Variants in CDH1 observed in about 807,000 individuals in gnomAD.
CDH1 encodes the protein cadherin 1, also known as cadherin-1.
A neutral mutation model predicts 84.5 loss-of-function variants in CDH1; 35 were observed. The ratio of observed to expected loss-of-function variants is 0.41; its 90% CI spans 0.32 to 0.55. CDH1 has a LOEUF of 0.55. Among genes scored for constraint, CDH1 ranks in the 20% least tolerant of loss-of-function variants. CDH1 has a pLI of 0.19. For synonymous variants in CDH1, 417 were observed against 439.0 expected (o/e 0.95, Z 0.63); for missense variants, 994 against 1,126.6 (o/e 0.88, Z 1.68).
At position 68,811,716 on chromosome 16, in the gene CDH1, G is replaced by A. The variant is rs1255556757; in HGVS notation, c.865G>A (p.Ala289Thr). The change falls in exon 7 of 16, where the codon GCG becomes ACG. Residue 289 changes from alanine (A) to threonine (T), a missense_variant. Ala to Thr is a moderately conservative substitution (Grantham distance 58, BLOSUM62 0). Around this residue, in one of 3 missense-constraint regions of CDH1, gnomAD observed 769 missense variants for 881.8 expected, o/e 0.87. Transcript: ENST00000261769. ...TSVMEVTATD[A>T]DDDVNTYNAA... The stretch of plus-strand genomic sequence containing the variant: ...TGTGATGGAGGTCACAGCCACAGAC[G>A]CGGACGATGATGTGAACACCTACAA... 8.7e-6 allele frequency: 14 copies of A among 1,614,048 alleles called. No homozygotes were observed. The highest frequency in any genetic ancestry group is 1.1e-5 in the Non-Finnish European group (13 of 1,180,016).
intron 2 of CDH1, among the ~76,000 whole-genome samples, chr16:68,764,249 A>G (rs1018936817): frequency 1.3e-5 from 2 of 152,176 alleles, no homozygotes; most frequent in African/African-American, 4.8e-5. Flanking sequence ...CCCAGATGAC[A>G]TTTAGGGCTA....
At chr16:68,824,553 G>A (rs1230871531) in intron 13 of CDH1, among the ~76,000 whole-genome samples, 1 of 152,116 alleles carries the variant, frequency 6.6e-6, no homozygotes, top group Non-Finnish European at 1.5e-5. Context: ...TAGCTGCAAG[G>A]GAACCTGGAA....
Position 68,745,549 on chromosome 16 carries a change from A to AATATATATATATATGTAT in CDH1, c.163+7147_163+7164dup, listed in dbSNP as rs1555510458. Among the ~76,000 whole-genome samples, 74 of 75,174 alleles carry AATATATATATATATGTAT rather than the reference A, an allele frequency of 9.8e-4. 1 individual carries two copies. Among genetic ancestry groups the AATATATATATATATGTAT allele is most frequent in the African/African-American group, 3.9e-3 (70 of 18,072 alleles). 49.3% of individuals were successfully genotyped at this position (75,174 alleles called of 152,430 possible). On this transcript the variant is annotated intron_variant, in intron 2 of 15. Transcript: ENST00000261769. The stretch of plus-strand genomic sequence containing the variant: ...ATCCTGTCTCAAAAAAAAAAAAAAA[A>AATATATATATATATGTAT]ATATATATATATATGTATATATATA...
At chr16:68,738,194 A>G in intron 1 of CDH1, 103 bp from the exon 2 acceptor site, 1 of 785,082 alleles carries the variant, frequency 1.3e-6, no homozygotes, top group South Asian at 1.7e-5. Flanking sequence ...GTCCTCCCCC[A>G]ATCCCGACGC....
rs532695817 is a variant in CDH1 at position 68,815,807 on chromosome 16, T to C, written c.1565+48T>C. 4 of 1,596,258 alleles carry C rather than the reference T, an allele frequency of 2.5e-6. No homozygotes were observed. The African/African-American group carries it at 5.4e-5, about 21-fold the overall frequency. On this transcript the variant is annotated intron_variant, in intron 10 of 15. Transcript: ENST00000261769. ...TGACTTGCAGCAACTGGTTATTTTATATCATTTTATATGTAAATCAATAAT... is the reference window on the plus strand; with the variant it reads ...TGACTTGCAGCAACTGGTTATTTTACATCATTTTATATGTAAATCAATAAT...
At chr16:68,767,400 G>A (rs1959423245) in intron 2 of CDH1, among the ~76,000 whole-genome samples, 1 of 151,946 alleles carries the variant, frequency 6.6e-6, no homozygotes, top group Non-Finnish European at 1.5e-5. Flanking sequence ...GTTTCACCAT[G>A]TTGGCCAGGC....
chr16:68,795,022 T>C (rs554933716), intron 2 of CDH1, among the ~76,000 whole-genome samples: 6 of 152,308 alleles, frequency 3.9e-5, no homozygotes, highest in Non-Finnish European at 8.8e-5. Flanking sequence ...TTTTCTTTTT[T>C]TGGTAGAAAA....
rs147455961 is a variant in CDH1, at chr16:68,792,353, C to T, written c.164-9317C>T. 7.2e-3 allele frequency among the ~76,000 whole-genome samples: 1,102 copies of T among 152,200 alleles called. 15 individuals are homozygous for T. The highest frequency in any genetic ancestry group is 0.025 in the African/African-American group (1,049 of 41,514). ...CAAGCAATTCTCCTGCCTCAGCCTC[C>T]CGAGTAGCTGGGATTACAGGCATGC... On this transcript the variant is annotated intron_variant, in intron 2 of 15. Transcript: ENST00000261769.
At chr16:68,793,501 G>C (rs1259101500) in intron 2 of CDH1, among the ~76,000 whole-genome samples, 1 of 152,190 alleles carries the variant, frequency 6.6e-6, no homozygotes, top group Non-Finnish European at 1.5e-5. Flanking sequence ...CAGGCTGCCT[G>C]GTGAGTCCTG....
chr16:68,759,579 T>G (rs1472436647), intron 2 of CDH1, among the ~76,000 whole-genome samples: 2 of 151,006 alleles, frequency 1.3e-5, no homozygotes, highest in African/African-American at 4.9e-5. Flanking sequence ...AACCTCCGCC[T>G]CCCGAGTTCA....
chr16:68,786,817 A>G (rs1597874438), intron 2 of CDH1, among the ~76,000 whole-genome samples: 1 of 152,268 alleles, frequency 6.6e-6, no homozygotes. Context: ...CTGCAAGCAC[A>G]TGTGACCTGG....
chr16:68,804,911 G>A (rs1483570923), intron 3 of CDH1, among the ~76,000 whole-genome samples: 1 of 131,474 alleles, frequency 7.6e-6, no homozygotes, highest in Non-Finnish European at 1.5e-5. Flanking sequence ...GCTCACTGCA[G>A]CCTTGACCTC....
At position 68,806,122 on chromosome 16, in the gene CDH1, A is replaced by ATGTTTGTT. The variant is rs377407300; in HGVS notation, c.388-2301_388-2300insGTTTGTTT. On this transcript the variant is annotated intron_variant, in intron 3 of 15. Transcript: ENST00000261769. ...GCCACCATGCCTGGCTAATTTTTGT[A>ATGTTTGTT]TATTTATTTATTTATTTATTTATTT... Among the ~76,000 whole-genome samples, 108 of 144,530 alleles carry ATGTTTGTT rather than the reference A, an allele frequency of 7.5e-4. 1 individual carries two copies. Among genetic ancestry groups the ATGTTTGTT allele is most frequent in the Middle Eastern group, 3.4e-3 (1 of 290 alleles). The allele number at this position is 144,530 out of a possible 152,430, so 94.8% of individuals were successfully genotyped here. A position where few individuals can be genotyped will look rare whatever the true frequency, so the allele number is the denominator to read the frequency against.
intron 2 of CDH1, among the ~76,000 whole-genome samples, chr16:68,795,748 G>A (rs1035714619): frequency 1.3e-5 from 2 of 150,508 alleles, no homozygotes; most frequent in African/African-American, 2.4e-5. Context: ...CACCTGGCTC[G>A]GCCTCCCAAA....
chr16:68,802,204 G>A (rs928837026), intron 3 of CDH1, among the ~76,000 whole-genome samples: 1 of 152,200 alleles, frequency 6.6e-6, no homozygotes, highest in African/African-American at 2.4e-5. Context: ...GGGGTGTGGG[G>A]ATCGGGTAGT....
intron 3 of CDH1, among the ~76,000 whole-genome samples, chr16:68,805,352 C>T (rs142605209): frequency 8.2e-4 from 125 of 152,190 alleles, no homozygotes; most frequent in African/African-American, 2.8e-3. Context: ...ATCACTTCCA[C>T]GTGCAGTGTT....
chr16:68,805,595 G>T (rs1245597225), intron 3 of CDH1, among the ~76,000 whole-genome samples: 1 of 151,978 alleles, frequency 6.6e-6, no homozygotes, highest in Non-Finnish European at 1.5e-5. Flanking sequence ...TTGTTTGTTT[G>T]TTTTTGTTTC....
chr16:68,771,953 C>T (rs1597864282), intron 2 of CDH1, among the ~76,000 whole-genome samples: 1 of 152,166 alleles, frequency 6.6e-6, no homozygotes, highest in East Asian at 1.9e-4. Context: ...TCATCCCATC[C>T]CCTTAGGAAA....
rs191282338 is a variant in CDH1 at position 68,792,597 on chromosome 16, T to C, written c.164-9073T>C. ...CCGGGCTGGTTCTGATCAACACCCATGGCGTTTGCCGTCAGAGAAGGAAAC... is the reference window on the plus strand; with the variant it reads ...CCGGGCTGGTTCTGATCAACACCCACGGCGTTTGCCGTCAGAGAAGGAAAC... On this transcript the variant is annotated intron_variant, in intron 2 of 15. Transcript: ENST00000261769. 1.2e-3 allele frequency among the ~76,000 whole-genome samples: 176 copies of C among 152,284 alleles called. 2 individuals are homozygous for C. The highest frequency in any genetic ancestry group is 3.3e-3 in the South Asian group (16 of 4,826).
Sources: allele counts gnomAD v4.1 joint callset (sites outside exome capture counted in the v4.1 genomes callset), GRCh38; gene constraint gnomAD v4.1.1; regional missense constraint gnomAD v4.1.1; transcripts MANE v1.5; gene names NCBI Gene and HGNC (gene_info 2026-07-23, HGNC 2026-07-21).